TSPAN5: variants seen among roughly 807,000 people sequenced by gnomAD.
TSPAN5 encodes the protein tetraspanin 5.
Under a neutral mutation model 37.1 loss-of-function variants are expected in TSPAN5, and 10 were observed. That is an observed-to-expected ratio of 0.27 (90% confidence interval 0.17 to 0.46). The LOEUF is 0.46. Among genes scored for constraint, TSPAN5 ranks in the 20% least tolerant of loss-of-function variants. The pLI is 1.00. For missense variants in TSPAN5, 195 were observed against 326.6 expected (o/e 0.60, Z 3.11); for synonymous variants, 110 against 118.9 (o/e 0.93, Z 0.48).
chr4:98,622,142 C>T (rs1046869307), intron 1 of TSPAN5, among the ~76,000 whole-genome samples: 12 of 152,132 alleles, frequency 7.9e-5, no homozygotes, highest in Admixed American at 6.5e-4. Context: ...TGCAGTGGCA[C>T]GATCTTGGCT....
chr4:98,585,908 C>T (rs929076806), intron 1 of TSPAN5, among the ~76,000 whole-genome samples: 5 of 152,194 alleles, frequency 3.3e-5, no homozygotes, highest in Non-Finnish European at 5.9e-5. Context: ...TTGCAGGCTA[C>T]ATATTCAGGT....
Position 98,476,431 on chromosome 4 carries a change from A to G in TSPAN5, c.606T>C (p.Tyr202=), listed in dbSNP as rs760214816. 27 of 1,614,138 alleles carry G rather than the reference A, an allele frequency of 1.7e-5. No homozygotes were observed. The highest frequency in any genetic ancestry group is 1.6e-4 in the Middle Eastern group (1 of 6,082). The change falls in exon 6 of 8, where the codon TAT becomes TAC. Residue 202 remains tyrosine, a synonymous_variant. Transcript: ENST00000305798. The part of the protein sequence containing the change: ...AEDVINTQCG[Y]DARQKPEVDQ... ...CACTTACTGGTTTTTGCCTGGCATC[A>G]TAGCCACACTGAGTGTTGATGACAT...
At chr4:98,608,140 G>T (rs1013187857) in intron 1 of TSPAN5, among the ~76,000 whole-genome samples, 3 of 152,192 alleles carry the variant, frequency 2.0e-5, no homozygotes, top group Admixed American at 6.5e-5. Context: ...GCGGGAGTGT[G>T]AACGAACAAA....
At chr4:98,498,209 G>C (rs1397498725) in intron 2 of TSPAN5, among the ~76,000 whole-genome samples, 1 of 152,096 alleles carries the variant, frequency 6.6e-6, no homozygotes, top group African/African-American at 2.4e-5. Context: ...CATGTGAGGA[G>C]ACAGACACAG....
At chr4:98,486,619 G>T in intron 3 of TSPAN5, 119 bp downstream of exon 3, 4 of 1,111,512 alleles carry the variant, frequency 3.6e-6, no homozygotes, top group Non-Finnish European at 5.4e-6. Context: ...TAATGACCTG[G>T]GCCCTACTTT....
chr4:98,640,838 G>A (rs1756950187), intron 1 of TSPAN5, among the ~76,000 whole-genome samples: 1 of 152,190 alleles, frequency 6.6e-6, no homozygotes, highest in Admixed American at 6.5e-5. Flanking sequence ...TCCCCTGAGT[G>A]GGTCACCTAC....
At chr4:98,507,147 CCAAA>C (rs1334782305) in intron 2 of TSPAN5, among the ~76,000 whole-genome samples, 3 of 152,138 alleles carry the variant, frequency 2.0e-5, no homozygotes, top group East Asian at 1.9e-4. Context: ...CCACCAGCAG[CCAAA>C]CATTCCCATT....
In TSPAN5 at chr4:98,486,607, A is replaced by G. The variant is rs1752964236; in HGVS notation, c.279+131T>C. ...GGGCTAGAGAGCTCTCTCAAAAGAAAATAATGACCTGGGCCCTACTTTGGC... is the reference window on the plus strand; with the variant it reads ...GGGCTAGAGAGCTCTCTCAAAAGAAGATAATGACCTGGGCCCTACTTTGGC... On this transcript the variant is annotated intron_variant, in intron 3 of 7. Transcript: ENST00000305798. 3.0e-6 allele frequency: 3 copies of G among 1,014,784 alleles called. No individual in the cohort carries two copies. In the Admixed American group the frequency reaches 6.9e-5, roughly 23 times the overall value. 62.9% of individuals were successfully genotyped at this position (1,014,784 alleles called of 1,614,324 possible). A position where few individuals can be genotyped will look rare whatever the true frequency, so the allele number is the denominator to read the frequency against.
intron 1 of TSPAN5, among the ~76,000 whole-genome samples, chr4:98,653,358 T>C (rs1414488403): frequency 6.6e-6 from 1 of 151,754 alleles, no homozygotes; most frequent in Non-Finnish European, 1.5e-5. Context: ...CTGGATAAAC[T>C]TGCACTTAAA....
intron 1 of TSPAN5, among the ~76,000 whole-genome samples, chr4:98,532,614 T>TACACA (rs1294192359): frequency 1.1e-5 from 1 of 88,860 alleles, no homozygotes; most frequent in Non-Finnish European, 2.2e-5. Context: ...GTTTTCTAAA[T>TACACA]ATCTGTCATC....
At chr4:98,570,847 C>G (rs1755102819) in intron 1 of TSPAN5, among the ~76,000 whole-genome samples, 1 of 152,080 alleles carries the variant, frequency 6.6e-6, no homozygotes, top group African/African-American at 2.4e-5. Context: ...TCCTACAGAC[C>G]TGAGCCAAAC....
chr4:98,571,996 A>G (rs759907700), intron 1 of TSPAN5, among the ~76,000 whole-genome samples: 4 of 151,628 alleles, frequency 2.6e-5, no homozygotes, highest in Non-Finnish European at 5.9e-5. Flanking sequence ...ATTTAGAGAC[A>G]CAGTCTCAAC....
intron 1 of TSPAN5, among the ~76,000 whole-genome samples, chr4:98,533,282 A>ATTGG (rs1462704605): frequency 6.6e-6 from 1 of 151,922 alleles, no homozygotes; most frequent in Non-Finnish European, 1.5e-5. Flanking sequence ...TCCTGTTTGT[A>ATTGG]CCTCTGGTAG....
intron 2 of TSPAN5, among the ~76,000 whole-genome samples, chr4:98,489,270 C>CCGTG (rs1753035928): frequency 6.6e-6 from 1 of 152,198 alleles, no homozygotes; most frequent in South Asian, 2.1e-4. Context: ...GGTGACCGCA[C>CCGTG]CCACTTTTAA....
At chr4:98,489,201 G>C (rs1753034338) in intron 2 of TSPAN5, among the ~76,000 whole-genome samples, 1 of 152,190 alleles carries the variant, frequency 6.6e-6, no homozygotes, top group Non-Finnish European at 1.5e-5. Context: ...CTAATACTGA[G>C]AGACAGGACT....
At chr4:98,579,479 AAG>A (rs1401987539) in intron 1 of TSPAN5, among the ~76,000 whole-genome samples, 1 of 152,080 alleles carries the variant, frequency 6.6e-6, no homozygotes, top group Non-Finnish European at 1.5e-5. Flanking sequence ...GTTTTTTAAA[AAG>A]AGAGAGAGAG....
chr4:98,576,285 T>A (rs758400361), intron 1 of TSPAN5, among the ~76,000 whole-genome samples: 19 of 152,202 alleles, frequency 1.2e-4, no homozygotes, highest in Non-Finnish European at 2.4e-4. Context: ...AAAATCAACC[T>A]GCAATGTTAC....
At chr4:98,533,492 C>A (rs1184218709) in intron 1 of TSPAN5, among the ~76,000 whole-genome samples, 1 of 140,798 alleles carries the variant, frequency 7.1e-6, no homozygotes, top group East Asian at 2.1e-4. Context: ...TTATAGTATT[C>A]TCTGATGGTA....
chr4:98,533,329 G>A (rs1263243963), intron 1 of TSPAN5, among the ~76,000 whole-genome samples: 3 of 151,622 alleles, frequency 2.0e-5, no homozygotes, highest in Admixed American at 2.0e-4. Flanking sequence ...TGGACATTTT[G>A]TTGGTAGGCT....
Sources: allele counts gnomAD v4.1 joint callset (sites outside exome capture counted in the v4.1 genomes callset), GRCh38; gene constraint gnomAD v4.1.1; transcripts MANE v1.5; gene names NCBI Gene and HGNC (gene_info 2026-07-23, HGNC 2026-07-21).